PTPRE: variants seen among roughly 807,000 people sequenced by gnomAD.
The protein encoded by PTPRE is protein tyrosine phosphatase receptor type E.
In PTPRE, 51 loss-of-function variants were observed where a neutral mutation model predicts 102.0. That is an observed-to-expected ratio of 0.50 (90% CI 0.40 to 0.63). The LOEUF is 0.63. Ranked by LOEUF, PTPRE falls within the 30% of genes least tolerant of loss-of-function variation. The pLI, the probability that PTPRE is intolerant of heterozygous loss-of-function variation, is 0.00. For synonymous variants in PTPRE, 345 were observed against 348.2 expected (o/e 0.99, Z 0.10); for missense variants, 752 against 915.1 (o/e 0.82, Z 2.30).
intron 6 of PTPRE, among the ~76,000 whole-genome samples, chr10:128,051,593 T>C (rs1848572902): frequency 6.6e-6 from 1 of 152,268 alleles, no homozygotes; most frequent in South Asian, 2.1e-4. Context: ...TTTTGTGCCT[T>C]GATTTGGACT....
At chr10:128,077,853 T>C (rs1590250056) in intron 19 of PTPRE, 70 bp downstream of exon 19, 3 of 1,510,644 alleles carry the variant, frequency 2.0e-6, no homozygotes. Flanking sequence ...CCCGCAGCTG[T>C]GGGCAGCAGA....
chr10:127,912,920 C>A (rs991336394), intron 1 of PTPRE, among the ~76,000 whole-genome samples: 5 of 152,244 alleles, frequency 3.3e-5, no homozygotes, highest in Non-Finnish European at 5.9e-5. Flanking sequence ...CATGATTTTA[C>A]TCTGTCTGAA....
At chr10:128,017,762 A>G (rs1481575571) in intron 2 of PTPRE, among the ~76,000 whole-genome samples, 2 of 152,152 alleles carry the variant, frequency 1.3e-5, no homozygotes, top group East Asian at 3.9e-4. Context: ...AGGCTTTTGG[A>G]GGCGCAGAGG....
At chr10:127,912,595 G>A (rs1845938061) in intron 1 of PTPRE, among the ~76,000 whole-genome samples, 1 of 152,230 alleles carries the variant, frequency 6.6e-6, no homozygotes, top group African/African-American at 2.4e-5. Context: ...TGATGTTAGT[G>A]TTTGTTGGGT....
intron 1 of PTPRE, among the ~76,000 whole-genome samples, chr10:127,980,117 A>G (rs1378331477): frequency 6.6e-6 from 1 of 152,170 alleles, no homozygotes; most frequent in African/African-American, 2.4e-5. Flanking sequence ...GTGATCCTCA[A>G]GTAATCATTT....
chr10:127,980,839 C>G (rs991672696), intron 1 of PTPRE, among the ~76,000 whole-genome samples: 3 of 152,072 alleles, frequency 2.0e-5, no homozygotes, highest in Admixed American at 1.3e-4. Context: ...CTAGTTTTGT[C>G]AGGACTAAGA....
chr10:127,921,844 C>T (rs887764707), intron 1 of PTPRE, among the ~76,000 whole-genome samples: 7 of 152,160 alleles, frequency 4.6e-5, no homozygotes, highest in African/African-American at 1.7e-4. Context: ...TCAGGACTTT[C>T]TTCAATGCAG....
chr10:127,960,659 T>G (rs1320247370), intron 1 of PTPRE, among the ~76,000 whole-genome samples: 1 of 152,228 alleles, frequency 6.6e-6, no homozygotes, highest in Non-Finnish European at 1.5e-5. Flanking sequence ...TGTGTAAACT[T>G]GCCATAGCCC....
At chr10:127,978,049 G>T (rs1442680231) in intron 1 of PTPRE, among the ~76,000 whole-genome samples, 1 of 152,112 alleles carries the variant, frequency 6.6e-6, no homozygotes, top group Non-Finnish European at 1.5e-5. Flanking sequence ...GCCATCCCGG[G>T]GCTTTCCTTT....
At chr10:127,967,063 C>T (rs1850310658) in intron 1 of PTPRE, among the ~76,000 whole-genome samples, 1 of 152,218 alleles carries the variant, frequency 6.6e-6, no homozygotes, top group African/African-American at 2.4e-5. Flanking sequence ...CCGTCCTGCT[C>T]TCTGCCATCC....
chr10:128,050,296 A>C (rs1352567770), intron 6 of PTPRE, among the ~76,000 whole-genome samples: 1 of 130,766 alleles, frequency 7.6e-6, no homozygotes, highest in South Asian at 2.5e-4. Flanking sequence ...TGGATGGATG[A>C]ATGAATGCAT....
At chr10:127,966,100 C>T (rs1360306262) in intron 1 of PTPRE, among the ~76,000 whole-genome samples, 1 of 151,980 alleles carries the variant, frequency 6.6e-6, no homozygotes, top group Non-Finnish European at 1.5e-5. Flanking sequence ...CACTAAGCCT[C>T]AGGGCAACCC....
At chr10:128,073,530 C>G (rs1257011343) in intron 17 of PTPRE, 59 bp downstream of exon 17, 1 of 1,564,822 alleles carries the variant, frequency 6.4e-7, no homozygotes, top group Non-Finnish European at 8.7e-7. Flanking sequence ...GAGGCACTGT[C>G]CCCGTTCATT....
chr10:127,982,642 AATGGCACAC>A (rs1317985689), intron 2 of PTPRE, among the ~76,000 whole-genome samples: 1 of 152,096 alleles, frequency 6.6e-6, no homozygotes, highest in Admixed American at 6.6e-5. Context: ...GCCTTATCTC[AATGGCACAC>A]ATCTGACCAG....
chr10:128,022,230 C>A (rs539043123), intron 2 of PTPRE, among the ~76,000 whole-genome samples: 1 of 152,302 alleles, frequency 6.6e-6, no homozygotes, highest in East Asian at 1.9e-4. Flanking sequence ...GTCGGCAGCA[C>A]TGAGTCCCCA....
At chr10:128,042,093 C>G (rs565756108) in intron 3 of PTPRE, among the ~76,000 whole-genome samples, 5 of 152,342 alleles carry the variant, frequency 3.3e-5, no homozygotes, top group East Asian at 3.9e-4. Context: ...TATTAACTTG[C>G]CTCTTTGCAA....
rs895406270 is a variant in PTPRE at position 128,028,859 on chromosome 10, A to T, written c.-7-12016A>T. 1.3e-5 allele frequency among the ~76,000 whole-genome samples: 2 copies of T among 151,972 alleles called. No individual in the cohort carries two copies. Among genetic ancestry groups the T allele is most frequent in the Non-Finnish European group, 2.9e-5 (2 of 67,994 alleles). On this transcript the variant is annotated intron_variant, in intron 2 of 20. Coordinates refer to ENST00000254667, the MANE Select transcript of PTPRE (RefSeq NM_006504.6). The surrounding 1 kb of genome is among the most constrained non-coding windows in gnomAD (Gnocchi z 4.5). ...CCCGGCCCAGCCCTGGCCACCCCAG[A>T]CGTCTGGCCCTCGTCCCGAATGCTG... is the stretch of plus-strand genomic sequence containing the variant.
intron 1 of PTPRE, among the ~76,000 whole-genome samples, chr10:127,943,340 C>T (rs1416735311): frequency 1.3e-5 from 2 of 152,156 alleles, no homozygotes; most frequent in Admixed American, 1.3e-4. Flanking sequence ...CTCACACTCC[C>T]TGTAACCCTC....
At chr10:127,931,096 G>A (rs1229400757) in intron 1 of PTPRE, among the ~76,000 whole-genome samples, 1 of 152,028 alleles carries the variant, frequency 6.6e-6, no homozygotes, top group African/African-American at 2.4e-5. Context: ...CGGCCCGCCA[G>A]TTGTTTTTTC....
Sources: gnomAD v4.1 joint callset for allele counts (sites outside exome capture counted in the v4.1 genomes callset) on GRCh38, gnomAD v4.1.1 for gene constraint, Gnocchi (gnomAD v3.1) non-coding constraint, MANE v1.5 for transcripts, NCBI Gene and HGNC (gene_info 2026-07-23, HGNC 2026-07-21) for gene names.